Variants in LRTM3 observed in about 807,000 individuals in gnomAD.
LRTM3 encodes leucine-rich repeat transmembrane protein 3.
chr13:102,736,507 T>G, the LRTM3 span: 1 of 1,551,172 alleles, frequency 6.4e-7, no homozygotes, highest in Non-Finnish European at 8.7e-7. Context: ...AAGGCAATGA[T>G]TCCTGGATCT....
At chr13:102,751,340 TATACACACACACACAC>T in the LRTM3 span, among the ~76,000 whole-genome samples, 41 of 115,654 alleles carry the variant, frequency 3.5e-4, no homozygotes, top group African/African-American at 1.3e-3. Flanking sequence ...TCTCTCTCTT[TATACACACACACACAC>T]ACACACACAC....
At chr13:102,729,487 C>A in the LRTM3 span, 1 of 1,459,532 alleles carries the variant, frequency 6.9e-7, no homozygotes, top group Non-Finnish European at 9.0e-7. Flanking sequence ...ACCCCGAGAG[C>A]GACCCCAACA....
At chr13:102,758,273 T>C in the LRTM3 span, 4 of 589,584 alleles carry the variant, frequency 6.8e-6, no homozygotes, top group Non-Finnish European at 1.2e-5. Context: ...CAATTTAAAG[T>C]AAATGTTAGA....
At chr13:102,731,945 T>C in the LRTM3 span, 13 of 1,551,080 alleles carry the variant, frequency 8.4e-6, no homozygotes, top group Middle Eastern at 1.7e-4. Flanking sequence ...CCTTGAGACA[T>C]CATGCTCTGG....
the LRTM3 span, chr13:102,745,265 T>C: frequency 2.6e-6 from 4 of 1,550,808 alleles, no homozygotes; most frequent in Non-Finnish European, 8.7e-7. Context: ...CTCTTCATCT[T>C]GAAGAAGGGT....
the LRTM3 span, among the ~76,000 whole-genome samples, chr13:102,752,568 C>T: frequency 6.6e-6 from 1 of 152,154 alleles, no homozygotes; most frequent in Non-Finnish European, 1.5e-5. Flanking sequence ...TTTTAGGCTA[C>T]ACTAATGATT....
At chr13:102,745,189 G>A in the LRTM3 span, 1 of 1,550,856 alleles carries the variant, frequency 6.4e-7, no homozygotes, top group South Asian at 1.2e-5. Flanking sequence ...GACCTGAACG[G>A]AACATGAAAT....
the LRTM3 span, chr13:102,741,806 A>T: frequency 6.5e-7 from 1 of 1,550,294 alleles, no homozygotes; most frequent in African/African-American, 1.4e-5. Flanking sequence ...TCTTTGTGCA[A>T]TGAGGAATTC....
At chr13:102,734,075 T>G in the LRTM3 span, 1 of 1,551,348 alleles carries the variant, frequency 6.4e-7, no homozygotes, top group Non-Finnish European at 8.7e-7. Flanking sequence ...TTCATCTTTA[T>G]CTTTGTGTAC....
the LRTM3 span, chr13:102,758,791 T>G: frequency 1.3e-6 from 2 of 1,550,522 alleles, no homozygotes; most frequent in Non-Finnish European, 1.7e-6. Context: ...TCAAAAATAA[T>G]TCCTAGTAAA....
the LRTM3 span, chr13:102,745,445 T>C: frequency 6.4e-7 from 1 of 1,550,904 alleles, no homozygotes; most frequent in East Asian, 2.4e-5. Context: ...ATCTACCCCC[T>C]TTTTGCCTTG....
At chr13:102,736,281 T>A in the LRTM3 span, 19 of 1,550,992 alleles carry the variant, frequency 1.2e-5, no homozygotes, top group Middle Eastern at 1.7e-4. Flanking sequence ...CTCTCTTTCA[T>A]GCCCCACTGT....
chr13:102,744,221 A>G, the LRTM3 span: 4 of 1,550,502 alleles, frequency 2.6e-6, no homozygotes, highest in Non-Finnish European at 3.5e-6. Flanking sequence ...CTTTGCCTTC[A>G]AAGTTACACA....
At chr13:102,740,961 C>G in the LRTM3 span, 2 of 1,550,046 alleles carry the variant, frequency 1.3e-6, no homozygotes, top group Non-Finnish European at 1.7e-6. Flanking sequence ...AAATGTATTC[C>G]TTCTGAACAT....
At chr13:102,742,922 G>A in the LRTM3 span, 1 of 1,550,024 alleles carries the variant, frequency 6.5e-7, no homozygotes, top group Non-Finnish European at 8.7e-7. Flanking sequence ...ACAATTATCT[G>A]ATTTCTCCAT....
the LRTM3 span, chr13:102,733,707 T>C: frequency 6.4e-7 from 1 of 1,551,346 alleles, no homozygotes; most frequent in Non-Finnish European, 8.7e-7. Flanking sequence ...CCAAACCCTG[T>C]GAAATAAATG....
At chr13:102,733,119 C>A in the LRTM3 span, 1 of 1,551,434 alleles carries the variant, frequency 6.4e-7, no homozygotes, top group Non-Finnish European at 8.7e-7. Flanking sequence ...TTCTGCTTTC[C>A]ACTTTGAAGG....
chr13:102,732,164 G>T, the LRTM3 span: 11 of 1,551,290 alleles, frequency 7.1e-6, no homozygotes, highest in Non-Finnish European at 6.1e-6. Context: ...AGTGTTTGGT[G>T]ATTTTTCCTG....
At chr13:102,733,058 AG>A in the LRTM3 span, 1 of 1,551,358 alleles carries the variant, frequency 6.4e-7, no homozygotes, top group South Asian at 1.2e-5. Flanking sequence ...TAGCATCTGT[AG>A]GCTGAGGTGC....
Sources: allele counts gnomAD v4.1 joint callset (sites outside exome capture counted in the v4.1 genomes callset), GRCh38; gene constraint gnomAD v4.1.1; transcripts MANE v1.5; gene names NCBI Gene and HGNC (gene_info 2026-07-23, HGNC 2026-07-21).